The following ANO4 variants were observed in gnomAD, a reference collection of about 807,000 sequenced individuals.
The protein encoded by ANO4 is anoctamin-4.
Under a neutral mutation model 141.9 loss-of-function variants are expected in ANO4, and 69 were observed. That is an observed-to-expected ratio of 0.49 (90% CI 0.40 to 0.59). ANO4 has a LOEUF of 0.59. Ranked by LOEUF, ANO4 falls within the 20% of genes least tolerant of loss-of-function variation. ANO4 has a pLI of 0.00. For synonymous variants in ANO4, 350 were observed against 394.3 expected (o/e 0.89, Z 1.33); for missense variants, 894 against 1,162.2 (o/e 0.77, Z 3.36).
chr12:101,052,235 T>G (rs2047903266), intron 14 of ANO4, among the ~76,000 whole-genome samples: 1 of 152,076 alleles, frequency 6.6e-6, no homozygotes, highest in Non-Finnish European at 1.5e-5. Context: ...CACGTCTGTG[T>G]GAGTGCAGGG....
intron 1 of ANO4, among the ~76,000 whole-genome samples, chr12:100,873,181 T>C (rs567788369): frequency 3.9e-5 from 6 of 152,328 alleles, no homozygotes; most frequent in African/African-American, 1.4e-4. Flanking sequence ...GTTAGTTCTT[T>C]ATAGCAATGT....
intron 1 of ANO4, among the ~76,000 whole-genome samples, chr12:100,828,893 G>C (rs1298261129): frequency 6.6e-6 from 1 of 151,884 alleles, no homozygotes; most frequent in Non-Finnish European, 1.5e-5. Context: ...GGTGGCATGT[G>C]CCTGTAATTC....
intron 3 of ANO4, among the ~76,000 whole-genome samples, chr12:100,935,574 T>C (rs2042253673): frequency 6.6e-6 from 1 of 152,212 alleles, no homozygotes; most frequent in South Asian, 2.1e-4. Context: ...GGTGATGGGA[T>C]TCATTCACAA....
At chr12:100,786,897 C>G (rs1268603019) in intron 3 of ANO4, among the ~76,000 whole-genome samples, 5 of 152,072 alleles carry the variant, frequency 3.3e-5, no homozygotes, top group Non-Finnish European at 7.4e-5. Context: ...GCCAATCATA[C>G]TCTAAATAAT....
At chr12:100,883,959 G>T (rs1383313399) in intron 1 of ANO4, among the ~76,000 whole-genome samples, 1 of 152,020 alleles carries the variant, frequency 6.6e-6, no homozygotes, top group Non-Finnish European at 1.5e-5. Flanking sequence ...TCCTCTGGAG[G>T]GATTTTCATT....
intron 2 of ANO4, among the ~76,000 whole-genome samples, chr12:100,905,878 G>A (rs916419294): frequency 4.6e-5 from 7 of 152,106 alleles, no homozygotes; most frequent in South Asian, 2.1e-4. Context: ...GGAAGGAGGC[G>A]TATGTATATA....
Position 101,094,299 on chromosome 12 carries a change from G to A in ANO4, c.1738+7G>A, listed in dbSNP as rs750243912. The A allele has an allele frequency of 1.0e-4, 167 of 1,606,170 alleles. No homozygotes were observed. In the East Asian group the frequency reaches 2.4e-3, roughly 23 times the overall value. On this transcript the variant is annotated splice_region_variant and intron_variant, in intron 18 of 27. Transcript: ENST00000392977. ...CTGCTTCTGACGAATTTAGGTGAGT[G>A]GAATCCTTTCTATTTCATAGAACTG...
At chr12:100,772,578 T>C (rs983256334) in intron 3 of ANO4, among the ~76,000 whole-genome samples, 1 of 152,160 alleles carries the variant, frequency 6.6e-6, no homozygotes, top group Non-Finnish European at 1.5e-5. Context: ...TCCCGAAATA[T>C]GTGACCAGGG....
At chr12:101,033,863 A>G (rs2047086035) in intron 9 of ANO4, among the ~76,000 whole-genome samples, 1 of 152,252 alleles carries the variant, frequency 6.6e-6, no homozygotes, top group Admixed American at 6.5e-5. Context: ...GAAGACATAC[A>G]TGCAGCCAAC....
intron 1 of ANO4, among the ~76,000 whole-genome samples, chr12:100,814,359 A>G (rs1184125128): frequency 1.3e-5 from 2 of 152,174 alleles, no homozygotes; most frequent in Non-Finnish European, 2.9e-5. Flanking sequence ...AATACGATTT[A>G]TCATGCCCAT....
At chr12:100,731,219 T>A (rs1026019582) in intron 1 of ANO4, among the ~76,000 whole-genome samples, 1 of 152,234 alleles carries the variant, frequency 6.6e-6, no homozygotes, top group African/African-American at 2.4e-5. Context: ...AGAATTTTCT[T>A]ATTGTCACAT....
intron 3 of ANO4, among the ~76,000 whole-genome samples, chr12:100,752,855 C>T (rs921739178): frequency 2.0e-5 from 3 of 152,118 alleles, no homozygotes; most frequent in African/African-American, 7.2e-5. Context: ...TAACAAACAA[C>T]CCCAAAACCT....
chr12:100,997,363 C>G (rs2045435794), intron 8 of ANO4, among the ~76,000 whole-genome samples: 1 of 148,310 alleles, frequency 6.7e-6, no homozygotes, highest in South Asian at 2.1e-4. Flanking sequence ...TGTCTTTTCT[C>G]CACAGTGCTG....
At chr12:100,927,152 C>T (rs767150321) in intron 3 of ANO4, among the ~76,000 whole-genome samples, 6 of 152,136 alleles carry the variant, frequency 3.9e-5, no homozygotes, top group Non-Finnish European at 7.4e-5. Context: ...GGACACCTGA[C>T]TGCTCTTTCT....
At chr12:101,076,982 C>T (rs1364471175) in intron 14 of ANO4, among the ~76,000 whole-genome samples, 1 of 152,134 alleles carries the variant, frequency 6.6e-6, no homozygotes, top group Non-Finnish European at 1.5e-5. Context: ...CAAGGGTGGC[C>T]CTTGGCTGGT....
chr12:100,982,199 T>C (rs1205094680), intron 7 of ANO4, among the ~76,000 whole-genome samples: 1 of 152,092 alleles, frequency 6.6e-6, no homozygotes, highest in African/African-American at 2.4e-5. Flanking sequence ...GCCTGTGTAG[T>C]GTGTAAGAGG....
intron 14 of ANO4, among the ~76,000 whole-genome samples, chr12:101,055,231 G>C (rs557211536): frequency 6.6e-6 from 1 of 152,200 alleles, no homozygotes; most frequent in East Asian, 1.9e-4. Context: ...TGTGATAAGT[G>C]AATGCCTAAC....
chr12:101,091,743 G>A (rs1302619007), intron 17 of ANO4, among the ~76,000 whole-genome samples: 1 of 117,218 alleles, frequency 8.5e-6, no homozygotes, highest in Non-Finnish European at 2.0e-5. Flanking sequence ...TTGAGAGCTA[G>A]ATTAAAGACT....
intron 1 of ANO4, among the ~76,000 whole-genome samples, chr12:100,819,013 GTGTATATATA>G (rs1298642392): frequency 1.4e-5 from 2 of 142,276 alleles, no homozygotes; most frequent in African/African-American, 2.7e-5. Flanking sequence ...ATATATATAT[GTGTATATATA>G]TATGTATGTG....
Sources: gnomAD v4.1 joint callset for allele counts (sites outside exome capture counted in the v4.1 genomes callset) on GRCh38, gnomAD v4.1.1 for gene constraint, MANE v1.5 for transcripts, NCBI Gene and HGNC (gene_info 2026-07-23, HGNC 2026-07-21) for gene names.